SPAG16: variants seen among roughly 807,000 people sequenced by gnomAD.
SPAG16 encodes the protein sperm-associated antigen 16 protein.
Under a neutral mutation model 80.4 loss-of-function variants are expected in SPAG16, and 86 were observed. That is an observed-to-expected ratio of 1.07 (90% CI 0.90 to 1.28). SPAG16 has a LOEUF of 1.28. Ranked by LOEUF, SPAG16 falls within the 50% of genes most tolerant of loss-of-function variation. SPAG16 has a pLI of 0.00. For synonymous variants in SPAG16, 294 were observed against 265.9 expected, an observed-to-expected ratio of 1.11 and a Z score of -1.03; for missense variants, 870 against 765.3, an observed-to-expected ratio of 1.14 and a Z score of -1.61.
At chr2:213,464,523 G>A (rs112180010) in intron 9 of SPAG16, among the ~76,000 whole-genome samples, 2 of 152,148 alleles carry the variant, frequency 1.3e-5, no homozygotes, top group Non-Finnish European at 2.9e-5. Flanking sequence ...TCACCTCAGA[G>A]ACTTTCTCTG....
At chr2:213,539,512 G>A (rs2076358594) in intron 10 of SPAG16, among the ~76,000 whole-genome samples, 1 of 152,074 alleles carries the variant, frequency 6.6e-6, no homozygotes, top group Non-Finnish European at 1.5e-5. Context: ...GTCCAAACAA[G>A]TTTTCACTAT....
intron 10 of SPAG16, among the ~76,000 whole-genome samples, chr2:213,799,694 AC>A (rs779303870): frequency 6.6e-6 from 1 of 152,186 alleles, no homozygotes; most frequent in Non-Finnish European, 1.5e-5. Flanking sequence ...AGAAAATATA[AC>A]ATAAATGATT....
intron 8 of SPAG16, among the ~76,000 whole-genome samples, chr2:213,371,158 C>T (rs981776029): frequency 5.3e-5 from 8 of 152,074 alleles, no homozygotes; most frequent in Non-Finnish European, 1.2e-4. Flanking sequence ...CCTGTAATCC[C>T]GGCTCTTTGG....
chr2:213,747,689 G>C (rs1282665648), intron 10 of SPAG16, among the ~76,000 whole-genome samples: 1 of 152,178 alleles, frequency 6.6e-6, no homozygotes, highest in African/African-American at 2.4e-5. Flanking sequence ...GCCTAGGTGT[G>C]GGGTAGGCCC....
chr2:213,679,167 C>T (rs2064254446), intron 10 of SPAG16, among the ~76,000 whole-genome samples: 1 of 152,140 alleles, frequency 6.6e-6, no homozygotes, highest in South Asian at 2.1e-4. Context: ...TAAGCTTAGC[C>T]TGCAATTCTG....
chr2:214,392,669 A>G (rs903303298), intron 15 of SPAG16, among the ~76,000 whole-genome samples: 1 of 149,478 alleles, frequency 6.7e-6, no homozygotes, highest in African/African-American at 2.5e-5. Flanking sequence ...GTAATTAGTG[A>G]CAGGTAGATA....
chr2:214,157,035 C>G (rs1179119783), intron 15 of SPAG16, among the ~76,000 whole-genome samples: 1 of 151,902 alleles, frequency 6.6e-6, no homozygotes, highest in African/African-American at 2.4e-5. Flanking sequence ...GTTGAGTGAC[C>G]CTATTGTATA....
At chr2:213,331,151 C>T (rs1040262933) in intron 5 of SPAG16, among the ~76,000 whole-genome samples, 2 of 152,158 alleles carry the variant, frequency 1.3e-5, no homozygotes, top group African/African-American at 4.8e-5. Context: ...TTTGCCTGTG[C>T]CTGTGTGTTG....
intron 13 of SPAG16, among the ~76,000 whole-genome samples, chr2:214,016,044 A>G (rs181051869): frequency 5.3e-5 from 8 of 152,240 alleles, no homozygotes; most frequent in African/African-American, 1.2e-4. Flanking sequence ...AACTTTTCCA[A>G]TTTGTCTAGG....
chr2:213,342,936 G>A (rs1417234081), intron 6 of SPAG16, among the ~76,000 whole-genome samples: 1 of 151,920 alleles, frequency 6.6e-6, no homozygotes, highest in Non-Finnish European at 1.5e-5. Context: ...AGCAGAGCAT[G>A]GTGGCTTTCA....
At chr2:214,346,577 A>G (rs905286454) in intron 15 of SPAG16, among the ~76,000 whole-genome samples, 6 of 152,092 alleles carry the variant, frequency 3.9e-5, no homozygotes, top group African/African-American at 9.7e-5. Flanking sequence ...TGTGATTTCA[A>G]TAATAGAAAA....
chr2:213,388,228 C>T (rs1354893414), intron 9 of SPAG16, among the ~76,000 whole-genome samples: 1 of 152,194 alleles, frequency 6.6e-6, no homozygotes, highest in Non-Finnish European at 1.5e-5. Flanking sequence ...GGGATCTGTG[C>T]TCTTATCTCT....
At chr2:213,463,845 G>A (rs536693843) in intron 9 of SPAG16, among the ~76,000 whole-genome samples, 14 of 152,298 alleles carry the variant, frequency 9.2e-5, no homozygotes, top group African/African-American at 2.4e-4. Flanking sequence ...CAGCAAGTGC[G>A]AGGGAGTGGC....
chr2:214,271,532 G>A, intron 15 of SPAG16, among the ~76,000 whole-genome samples: 1 of 152,200 alleles, frequency 6.6e-6, no homozygotes, highest in Admixed American at 6.5e-5. Flanking sequence ...CACGTGTGGT[G>A]GCTCATGCCT....
intron 10 of SPAG16, among the ~76,000 whole-genome samples, chr2:213,613,878 A>G (rs1282376654): frequency 6.6e-6 from 1 of 152,234 alleles, no homozygotes; most frequent in African/African-American, 2.4e-5. Flanking sequence ...AACACTGCTT[A>G]GTGAATATAA....
At chr2:213,969,729 C>T (rs1338554778) in intron 12 of SPAG16, among the ~76,000 whole-genome samples, 5 of 152,004 alleles carry the variant, frequency 3.3e-5, no homozygotes, top group African/African-American at 9.7e-5. Context: ...TATTTTGTTA[C>T]AGTATCACAA....
chr2:213,546,994 A>G (rs903365045), intron 10 of SPAG16, among the ~76,000 whole-genome samples: 2 of 152,164 alleles, frequency 1.3e-5, no homozygotes, highest in African/African-American at 4.8e-5. Context: ...AGAGAAGGAA[A>G]AGAACCTGAG....
In SPAG16 at chr2:213,692,766, C is replaced by T. The variant is rs190787103; in HGVS notation, c.1071-169719C>T. ...CGGAGCTTGCAGTGAGCCGAGGTCA[C>T]GCCACTGCACTCCACCCTGGGTGAA... On this transcript the variant is annotated intron_variant, in intron 10 of 15. Transcript: ENST00000331683. Among the ~76,000 whole-genome samples the T allele has an allele frequency of 2.9e-3, 431 of 149,708 alleles. 11 individuals carry two copies. The highest frequency in any genetic ancestry group is 0.023 in the Admixed American group (345 of 15,034).
intron 10 of SPAG16, among the ~76,000 whole-genome samples, chr2:213,720,009 A>G (rs1054875021): frequency 2.0e-5 from 3 of 152,218 alleles, no homozygotes; most frequent in African/African-American, 7.2e-5. Flanking sequence ...ATGCAGCCAT[A>G]AAAAAGGATG....
Sources: gnomAD v4.1 joint callset for allele counts (sites outside exome capture counted in the v4.1 genomes callset) on GRCh38, gnomAD v4.1.1 for gene constraint, MANE v1.5 for transcripts, NCBI Gene and HGNC (gene_info 2026-07-23, HGNC 2026-07-21) for gene names.